SENP6: variants seen among roughly 807,000 people sequenced by gnomAD.
SENP6 encodes the protein SUMO specific peptidase 6.
In SENP6, 41 loss-of-function variants were observed where a neutral mutation model predicts 134.5. That is an observed-to-expected ratio of 0.30 (90% CI 0.24 to 0.40). The LOEUF is 0.40. Among genes scored for constraint, SENP6 ranks in the 10% least tolerant of loss-of-function variants. The pLI, the probability that SENP6 is intolerant of heterozygous loss-of-function variation, is 1.00. For synonymous variants in SENP6, 395 were observed against 429.8 expected, an observed-to-expected ratio of 0.92 and a Z score of 1.00; for missense variants, 1,248 against 1,312.5, an observed-to-expected ratio of 0.95 and a Z score of 0.76.
chr6:75,676,771 A>T (rs527664571), intron 13 of SENP6: 1 of 293,488 alleles, frequency 3.4e-6, no homozygotes, highest in South Asian at 8.4e-5. Flanking sequence ...TTAGTTACAT[A>T]CGTGAATAGA....
chr6:75,699,207 T>C (rs2149897175), intron 18 of SENP6, among the ~76,000 whole-genome samples: 1 of 150,598 alleles, frequency 6.6e-6, no homozygotes, highest in Middle Eastern at 3.4e-3. Flanking sequence ...GGCGCATCCC[T>C]CTTAGTCACT....
At chr6:75,632,109 T>C (rs753792091) in intron 3 of SENP6, among the ~76,000 whole-genome samples, 1 of 152,256 alleles carries the variant, frequency 6.6e-6, no homozygotes, top group Non-Finnish European at 1.5e-5. Flanking sequence ...AGCTGTCCTT[T>C]CATGTTTTAT....
intron 2 of SENP6, chr6:75,622,949 TATTC>T: frequency 2.1e-6 from 1 of 479,840 alleles, no homozygotes; most frequent in Non-Finnish European, 3.3e-6. Context: ...ATAAAACAAT[TATTC>T]AGTATGCATA....
At chr6:75,675,492 C>T (rs1176022112) in intron 12 of SENP6, 24 bp downstream of exon 12, 1 of 1,372,748 alleles carries the variant, frequency 7.3e-7, no homozygotes, top group South Asian at 1.3e-5. Flanking sequence ...TGTCTTTTTA[C>T]TTACCAAAGC....
At position 75,679,043 on chromosome 6, in the gene SENP6, G is replaced by A. The variant is rs187897072; in HGVS notation, c.2075+116G>A. 243 of 603,906 alleles carry A rather than the reference G, an allele frequency of 4.0e-4. No homozygotes were observed. In the African/African-American group the frequency reaches 4.2e-3, roughly 10 times the overall value. The allele number at this position is 603,906 out of a possible 1,614,324, so 37.4% of individuals were successfully genotyped here. A position where few individuals can be genotyped will look rare whatever the true frequency, so the allele number is the denominator to read the frequency against. On this transcript the variant is annotated intron_variant, in intron 16 of 23. Coordinates refer to ENST00000447266, the MANE Select transcript of SENP6 (RefSeq NM_015571.4). The stretch of plus-strand genomic sequence containing the variant: ...TTAAATTCCATCTCTGCCACTTACT[G>A]TGTGACATTTGGGGAGTTATTTTTT...
chr6:75,709,490 G>A (rs754123199), intron 19 of SENP6, 37 bp from the exon 20 acceptor site: 1 of 1,399,840 alleles, frequency 7.1e-7, no homozygotes, highest in African/African-American at 1.4e-5. Flanking sequence ...TGATAGACAT[G>A]GCCTTTTTTA....
At chr6:75,698,510 C>G (rs1774803796) in intron 18 of SENP6, among the ~76,000 whole-genome samples, 1 of 150,312 alleles carries the variant, frequency 6.7e-6, no homozygotes, top group Non-Finnish European at 1.5e-5. Flanking sequence ...TTTTTTTTAA[C>G]TTTTGTAGAG....
chr6:75,678,639 TGAA>T lies in SENP6; in HGVS notation c.1915_1917del (p.Glu639del), dbSNP rs960419408. 2.6e-5 allele frequency: 41 copies of T among 1,605,098 alleles called. No homozygotes were observed. The highest frequency in any genetic ancestry group is 1.0e-4 in the South Asian group (9 of 89,446). ...GCAAACAAGAATTTCAGTTTTTTGA[TGAA>T]GAAGAAGAAACTGGAGAAAACCACA... On this transcript the variant is annotated inframe_deletion, in exon 15 of 24. Transcript: ENST00000447266.
intron 11 of SENP6, among the ~76,000 whole-genome samples, chr6:75,674,861 C>A (rs1304692447): frequency 1.3e-5 from 2 of 152,156 alleles, no homozygotes; most frequent in Admixed American, 6.5e-5. Context: ...TTACTATTAG[C>A]ATTTTATTGT....
At chr6:75,697,565 ATGGCAATT>A in intron 18 of SENP6, 48 bp downstream of exon 18, 2 of 1,322,698 alleles carry the variant, frequency 1.5e-6, no homozygotes, top group Non-Finnish European at 2.2e-6. Flanking sequence ...CATGTAAATG[ATGGCAATT>A]TTTAAATAAT....
chr6:75,621,287 A>G (rs889867654), intron 1 of SENP6, among the ~76,000 whole-genome samples: 5 of 152,166 alleles, frequency 3.3e-5, no homozygotes, highest in Admixed American at 6.5e-5. Context: ...CGTTTTTATT[A>G]TAGCTTTCTA....
At chr6:75,620,073 A>G (rs1768149785) in intron 1 of SENP6, among the ~76,000 whole-genome samples, 1 of 129,894 alleles carries the variant, frequency 7.7e-6, no homozygotes, top group African/African-American at 2.7e-5. Flanking sequence ...AGCTTGGGCT[A>G]CCTTGCCTCA....
At chr6:75,663,932 TTATGTG>T (rs1449122721) in intron 9 of SENP6, among the ~76,000 whole-genome samples, 1 of 152,058 alleles carries the variant, frequency 6.6e-6, no homozygotes, top group Non-Finnish European at 1.5e-5. Context: ...CTTTTTACTC[TTATGTG>T]TATGTGTATG....
At position 75,710,950 on chromosome 6, in the gene SENP6, A is replaced by G. The variant is rs1775711841; in HGVS notation, c.2821-378A>G. Among the ~76,000 whole-genome samples, 6 of 152,350 alleles carry G rather than the reference A, an allele frequency of 3.9e-5. No homozygotes were observed. In the South Asian group the frequency reaches 1.2e-3, roughly 32 times the overall value. ...TTCATGTAAAATAACATGTTATTTT[A>G]TATCCTATTGTGAAATAGCTGTCTT... On this transcript the variant is annotated intron_variant, in intron 20 of 23. Coordinates refer to ENST00000447266, the MANE Select transcript of SENP6 (RefSeq NM_015571.4).
Position 75,701,232 on chromosome 6 carries a change from A to G in SENP6, c.2289-1413A>G, listed in dbSNP as rs140076923. Among the ~76,000 whole-genome samples, 1,014 of 152,310 alleles carry G rather than the reference A, an allele frequency of 6.7e-3. 11 individuals are homozygous for G. The highest frequency in any genetic ancestry group is 0.024 in the African/African-American group (981 of 41,574). On this transcript the variant is annotated intron_variant, in intron 18 of 23. Coordinates refer to ENST00000447266, the MANE Select transcript of SENP6 (RefSeq NM_015571.4). ...TTGTGCTTGACCAATAAGCTCCCTG[A>G]CATCTATAGCCTGTTCCTTGTATCC...
chr6:75,652,373 A>T (rs1468815693), intron 7 of SENP6, among the ~76,000 whole-genome samples: 1 of 151,752 alleles, frequency 6.6e-6, no homozygotes, highest in Non-Finnish European at 1.5e-5. Flanking sequence ...GTGGCCCACT[A>T]TGTTTATGTG....
chr6:75,680,732 T>A (rs1773405949), intron 16 of SENP6, among the ~76,000 whole-genome samples: 1 of 152,128 alleles, frequency 6.6e-6, no homozygotes, highest in Non-Finnish European at 1.5e-5. Flanking sequence ...CCATTAGAGA[T>A]GGTATCAGTG....
At chr6:75,604,267 A>G (rs1437050479) in intron 1 of SENP6, among the ~76,000 whole-genome samples, 1 of 152,234 alleles carries the variant, frequency 6.6e-6, no homozygotes, top group East Asian at 1.9e-4. Flanking sequence ...TAGGTATGAT[A>G]AATTCGAGTT....
At chr6:75,715,287 T>C (rs910374069) in intron 23 of SENP6, 98 bp from the exon 24 acceptor site, 20 of 872,932 alleles carry the variant, frequency 2.3e-5, no homozygotes, top group Middle Eastern at 3.6e-4. Flanking sequence ...TTGAATGCGT[T>C]GTTGGGTTTT....
Sources: allele counts gnomAD v4.1 joint callset (sites outside exome capture counted in the v4.1 genomes callset), GRCh38; gene constraint gnomAD v4.1.1; transcripts MANE v1.5; gene names NCBI Gene and HGNC (gene_info 2026-07-23, HGNC 2026-07-21).